The following DCC variants were observed in gnomAD, a reference collection of about 807,000 sequenced individuals.
DCC encodes the protein DCC netrin 1 receptor, also known as netrin receptor DCC.
In DCC, 58 loss-of-function variants were observed where a neutral mutation model predicts 172.5. The ratio of observed to expected loss-of-function variants is 0.34; its 90% CI spans 0.27 to 0.42. The LOEUF is 0.42. Ranked by LOEUF, DCC falls within the 10% of genes least tolerant of loss-of-function variation. DCC has a pLI of 1.00. For missense variants in DCC, 1,740 were observed against 1,791.0 expected, an observed-to-expected ratio of 0.97 and a Z score of 0.51; for synonymous variants, 709 against 644.5, an observed-to-expected ratio of 1.10 and a Z score of -1.52.
At chr18:52,505,677 T>A (rs1282620670) in intron 1 of DCC, among the ~76,000 whole-genome samples, 1 of 152,110 alleles carries the variant, frequency 6.6e-6, no homozygotes, top group African/African-American at 2.4e-5. Context: ...ATCTGAGAAT[T>A]GAGTTAAAGT....
At chr18:52,535,213 T>G (rs2144691354) in intron 1 of DCC, among the ~76,000 whole-genome samples, 1 of 152,294 alleles carries the variant, frequency 6.6e-6, no homozygotes, top group Admixed American at 6.5e-5. Flanking sequence ...GAATCTTCAC[T>G]CACTCAAAGC....
intron 1 of DCC, among the ~76,000 whole-genome samples, chr18:52,395,058 C>T (rs561518019): frequency 9.9e-5 from 15 of 152,082 alleles, no homozygotes; most frequent in African/African-American, 3.6e-4. Flanking sequence ...TAACATCTAT[C>T]AACTGTACAA....
At chr18:53,483,970 G>C (rs1419211502) in intron 25 of DCC, among the ~76,000 whole-genome samples, 3 of 115,094 alleles carry the variant, frequency 2.6e-5, no homozygotes, top group African/African-American at 3.4e-5. Flanking sequence ...TAGATAGATA[G>C]ATAGATAGAT....
At chr18:53,284,225 C>T (rs1015665439) in intron 12 of DCC, among the ~76,000 whole-genome samples, 5 of 152,066 alleles carry the variant, frequency 3.3e-5, no homozygotes, top group African/African-American at 9.7e-5. Flanking sequence ...TTGAAACCTC[C>T]AGGAATTTCC....
At chr18:53,466,536 T>A (rs1307562191) in intron 24 of DCC, among the ~76,000 whole-genome samples, 1 of 152,222 alleles carries the variant, frequency 6.6e-6, no homozygotes, top group Non-Finnish European at 1.5e-5. Flanking sequence ...TTTTTACTTT[T>A]ATTTTTTGAG....
rs542951923 is a variant in DCC at position 53,025,343 on chromosome 18, C to T, written c.986-37962C>T. On this transcript the variant is annotated intron_variant, in intron 5 of 28. Coordinates refer to ENST00000442544, the MANE Select transcript of DCC (RefSeq NM_005215.4). ...GAAAATATTAAGGACTGTAGGTTAA[C>T]GGGGTAGATTTCTAGTGATGTAGGA... Among the ~76,000 whole-genome samples, 13 of 152,094 alleles carry T rather than the reference C, an allele frequency of 8.5e-5. No homozygotes were observed. In the East Asian group the frequency reaches 1.4e-3, roughly 16 times the overall value.
rs556265863 is a variant in DCC, at chr18:53,353,430, C to T, written c.2359+13523C>T. ...AGACAAAAATAGATAAATAAATATC[C>T]TTTAAAGGTTAAAAAAATAACGTAT... On this transcript the variant is annotated intron_variant, in intron 15 of 28. Coordinates refer to ENST00000442544, the MANE Select transcript of DCC (RefSeq NM_005215.4). Among the ~76,000 whole-genome samples, 7 of 120,196 alleles carry T rather than the reference C, an allele frequency of 5.8e-5. No individual in the cohort carries two copies. The East Asian group carries it at 1.8e-3, about 31-fold the overall frequency. The allele number at this position is 120,196 out of a possible 152,430, so 78.9% of individuals were successfully genotyped here. A position where few individuals can be genotyped will look rare whatever the true frequency, so the allele number is the denominator to read the frequency against.
intron 12 of DCC, among the ~76,000 whole-genome samples, chr18:53,234,885 T>A (rs1239427279): frequency 6.6e-6 from 1 of 152,256 alleles, no homozygotes; most frequent in Non-Finnish European, 1.5e-5. Flanking sequence ...CTAGATGGTT[T>A]GTTCCTTTCT....
intron 14 of DCC, among the ~76,000 whole-genome samples, chr18:53,331,789 A>T (rs2057532072): frequency 6.6e-6 from 1 of 152,178 alleles, no homozygotes; most frequent in Non-Finnish European, 1.5e-5. Context: ...TCCTATCTGT[A>T]ATCTGGAATT....
intron 7 of DCC, among the ~76,000 whole-genome samples, chr18:53,074,862 A>C (rs1332239534): frequency 6.6e-6 from 1 of 152,194 alleles, no homozygotes; most frequent in Non-Finnish European, 1.5e-5. Flanking sequence ...AGAGATTCTT[A>C]GGCAATATTG....
intron 23 of DCC, 40 bp from the exon 24 acceptor site, chr18:53,459,192 A>G: frequency 6.8e-7 from 1 of 1,467,982 alleles, no homozygotes; most frequent in Non-Finnish European, 9.6e-7. Context: ...GTGCCATTGA[A>G]TAGAGGTTCT....
chr18:53,232,325 G>A (rs922591720), intron 12 of DCC, among the ~76,000 whole-genome samples: 1 of 152,096 alleles, frequency 6.6e-6, no homozygotes, highest in Non-Finnish European at 1.5e-5. Flanking sequence ...GTGACTATTA[G>A]ACATCCCTTA....
At chr18:52,838,055 G>C (rs1387509808) in intron 2 of DCC, among the ~76,000 whole-genome samples, 3 of 152,140 alleles carry the variant, frequency 2.0e-5, no homozygotes, top group Non-Finnish European at 2.9e-5. Context: ...CCACCCCCAT[G>C]ATTCAATTAT....
At chr18:52,723,347 T>A (rs2036501359) in intron 1 of DCC, among the ~76,000 whole-genome samples, 1 of 152,204 alleles carries the variant, frequency 6.6e-6, no homozygotes, top group South Asian at 2.1e-4. Flanking sequence ...GACGCTTTAC[T>A]GGTGATCCTG....
chr18:53,496,957 A>T (rs545749038), intron 26 of DCC, among the ~76,000 whole-genome samples: 1 of 152,340 alleles, frequency 6.6e-6, no homozygotes, highest in Non-Finnish European at 1.5e-5. Context: ...GAAATAAAAC[A>T]TCATAAACAT....
At chr18:52,767,687 C>T (rs2037275327) in intron 2 of DCC, among the ~76,000 whole-genome samples, 1 of 152,028 alleles carries the variant, frequency 6.6e-6, no homozygotes, top group Non-Finnish European at 1.5e-5. Context: ...CTTATTTTTC[C>T]CTTGAATTTG....
At chr18:52,402,856 A>G (rs1986492668) in intron 1 of DCC, among the ~76,000 whole-genome samples, 1 of 152,024 alleles carries the variant, frequency 6.6e-6, no homozygotes, top group African/African-American at 2.4e-5. Flanking sequence ...ATGCTCACAT[A>G]GTGCCTTTTG....
chr18:52,548,158 C>T (rs950632752), intron 1 of DCC, among the ~76,000 whole-genome samples: 5 of 152,088 alleles, frequency 3.3e-5, no homozygotes, highest in African/African-American at 1.2e-4. Flanking sequence ...TTTCCTTTTA[C>T]AACATTGGAC....
chr18:52,921,206 A>G (rs1186279592), intron 3 of DCC, among the ~76,000 whole-genome samples: 2 of 152,232 alleles, frequency 1.3e-5, no homozygotes, highest in Non-Finnish European at 2.9e-5. Context: ...ATATTGGTTC[A>G]TGAATTAAAA....
Sources: allele counts gnomAD v4.1 joint callset (sites outside exome capture counted in the v4.1 genomes callset), GRCh38; gene constraint gnomAD v4.1.1; transcripts MANE v1.5; gene names NCBI Gene and HGNC (gene_info 2026-07-23, HGNC 2026-07-21).